DLG2: variants seen among roughly 807,000 people sequenced by gnomAD.
DLG2 encodes disks large homolog 2.
A neutral mutation model predicts 132.5 loss-of-function variants in DLG2; 45 were observed. The observed-to-expected ratio is 0.34, with a 90% CI of 0.27 to 0.44. DLG2 has a LOEUF of 0.44. Ranked by LOEUF, DLG2 falls within the 20% of genes least tolerant of loss-of-function variation. The pLI, the probability that DLG2 is intolerant of heterozygous loss-of-function variation, is 1.00. For missense variants in DLG2, 1,045 were observed against 1,196.9 expected, an observed-to-expected ratio of 0.87 and a Z score of 1.87; for synonymous variants, 424 against 419.6, an observed-to-expected ratio of 1.01 and a Z score of -0.13.
intron 7 of DLG2, among the ~76,000 whole-genome samples, chr11:84,398,122 T>C (rs1320111017): frequency 1.3e-5 from 2 of 152,224 alleles, no homozygotes; most frequent in African/African-American, 4.8e-5. Context: ...CTACAATTCT[T>C]TTAACAAGTT....
intron 3 of DLG2, among the ~76,000 whole-genome samples, chr11:85,449,738 T>C (rs943963313): frequency 1.3e-5 from 2 of 152,078 alleles, no homozygotes; most frequent in African/African-American, 4.8e-5. Flanking sequence ...AAAGATGATA[T>C]GCATTTGCTT....
At chr11:84,175,204 G>C (rs2095926286) in intron 8 of DLG2, among the ~76,000 whole-genome samples, 1 of 152,074 alleles carries the variant, frequency 6.6e-6, no homozygotes, top group Non-Finnish European at 1.5e-5. Flanking sequence ...ATACATAGCA[G>C]AGCACCTCTC....
chr11:84,289,219 G>A (rs748459150), intron 7 of DLG2, among the ~76,000 whole-genome samples: 2 of 151,980 alleles, frequency 1.3e-5, no homozygotes. Flanking sequence ...TGTAACAAAA[G>A]AATTTCTCTT....
At position 84,807,353 on chromosome 11, in the gene DLG2, G is replaced by A. The variant is rs200933498; in HGVS notation, c.358-272622C>T. On this transcript the variant is annotated intron_variant, in intron 6 of 27. Coordinates refer to ENST00000376104, the MANE Select transcript of DLG2 (RefSeq NM_001142699.3). ...CCCAGCTACTCAGGAGACTGAGGCA[G>A]GAGAATCGCTTGAACCCGGGAGGCA... Among the ~76,000 whole-genome samples the A allele has an allele frequency of 1.2e-4, 18 of 152,256 alleles. No individual in the cohort carries two copies. The East Asian group carries it at 3.3e-3, about 28-fold the overall frequency.
chr11:83,585,037 G>A (rs150605379), intron 19 of DLG2, among the ~76,000 whole-genome samples: 1 of 152,240 alleles, frequency 6.6e-6, no homozygotes, highest in African/African-American at 2.4e-5. Context: ...TCTGTAAAGT[G>A]ACCTCCCTAC....
At chr11:84,863,964 A>T (rs2084161379) in intron 6 of DLG2, among the ~76,000 whole-genome samples, 1 of 152,198 alleles carries the variant, frequency 6.6e-6, no homozygotes, top group South Asian at 2.1e-4. Flanking sequence ...GATTCAGTGA[A>T]ATAAAATACA....
At chr11:83,882,852 A>G (rs1339119349) in intron 15 of DLG2, among the ~76,000 whole-genome samples, 1 of 152,202 alleles carries the variant, frequency 6.6e-6, no homozygotes, top group African/African-American at 2.4e-5. Flanking sequence ...AAAGAATAGC[A>G]TGGGAGAATT....
intron 3 of DLG2, chr11:85,469,856 T>A (rs2092925377): frequency 6.6e-6 from 1 of 152,176 alleles, no homozygotes; most frequent in African/African-American, 2.4e-5. Flanking sequence ...TCTAAATAAC[T>A]TAACACAAGC....
At position 85,480,399 on chromosome 11, in the gene DLG2, T is replaced by C. The variant is rs545309692; in HGVS notation, c.40+118258A>G. Among the ~76,000 whole-genome samples, 9 of 152,014 alleles carry C rather than the reference T, an allele frequency of 5.9e-5. No individual in the cohort carries two copies. The South Asian group carries it at 1.9e-3, about 32-fold the overall frequency. On this transcript the variant is annotated intron_variant, in intron 3 of 27. Transcript: ENST00000376104. ...ATTCTGGAATGTCTTTATAATGATA[T>C]ACCATGAAGCAAGAAAAAAAAAGTG...
At chr11:83,546,255 A>G (rs1218195836) in intron 19 of DLG2, among the ~76,000 whole-genome samples, 5 of 152,130 alleles carry the variant, frequency 3.3e-5, no homozygotes, top group Admixed American at 3.3e-4. Flanking sequence ...TAAGCATTTT[A>G]TATTCATTGT....
intron 3 of DLG2, among the ~76,000 whole-genome samples, chr11:85,537,377 G>C (rs185558660): frequency 6.6e-6 from 1 of 152,154 alleles, no homozygotes; most frequent in African/African-American, 2.4e-5. Context: ...AATAAATCTC[G>C]CTGCTGCTCA....
chr11:85,305,552 G>A (rs189651873), intron 3 of DLG2, among the ~76,000 whole-genome samples: 2 of 151,972 alleles, frequency 1.3e-5, no homozygotes, highest in East Asian at 1.9e-4. Flanking sequence ...TCACTCTGTC[G>A]CACAGGCTGG....
chr11:83,740,496 T>G (rs2092417431), intron 18 of DLG2, among the ~76,000 whole-genome samples: 1 of 152,176 alleles, frequency 6.6e-6, no homozygotes, highest in Admixed American at 6.6e-5. Context: ...CAGTTACTCT[T>G]CAGAAGGAGG....
intron 6 of DLG2, among the ~76,000 whole-genome samples, chr11:85,038,800 T>C (rs1404690399): frequency 1.3e-5 from 2 of 152,034 alleles, no homozygotes; most frequent in Non-Finnish European, 2.9e-5. Flanking sequence ...GCCTGGACAA[T>C]GTACAATTAA....
intron 6 of DLG2, among the ~76,000 whole-genome samples, chr11:84,714,587 CTTTCTCTTTCTTTCTCTTTCTCTT>C (rs2060878191): frequency 1.5e-5 from 2 of 132,118 alleles, no homozygotes; most frequent in African/African-American, 6.7e-5. Flanking sequence ...TTCTCTTTCT[CTTTCTCTTTCTTTCTCTTTCTCTT>C]TCTCTTTCTC....
chr11:85,073,455 A>C (rs1188814328), intron 6 of DLG2, among the ~76,000 whole-genome samples: 1 of 151,868 alleles, frequency 6.6e-6, no homozygotes, highest in East Asian at 1.9e-4. Context: ...GGATTGCGTA[A>C]GTAAATTCAG....
intron 19 of DLG2, among the ~76,000 whole-genome samples, chr11:83,579,147 T>A (rs563426151): frequency 6.6e-6 from 1 of 152,318 alleles, no homozygotes; most frequent in Non-Finnish European, 1.5e-5. Context: ...TCACAATCAG[T>A]CAACTGAAGC....
At chr11:84,001,610 C>G (rs1262839844) in intron 11 of DLG2, among the ~76,000 whole-genome samples, 4 of 152,060 alleles carry the variant, frequency 2.6e-5, no homozygotes, top group Non-Finnish European at 5.9e-5. Context: ...CATACATTTG[C>G]AGAACATTTT....
intron 7 of DLG2, among the ~76,000 whole-genome samples, chr11:84,492,977 C>T (rs2099169254): frequency 6.6e-6 from 1 of 151,978 alleles, no homozygotes; most frequent in African/African-American, 2.4e-5. Flanking sequence ...ATAAAAGGAA[C>T]AGTTTTTCTA....
Sources: allele counts gnomAD v4.1 joint callset (sites outside exome capture counted in the v4.1 genomes callset), GRCh38; gene constraint gnomAD v4.1.1; transcripts MANE v1.5; gene names NCBI Gene and HGNC (gene_info 2026-07-23, HGNC 2026-07-21).